The following BICD1 variants were observed in gnomAD, a reference collection of about 807,000 sequenced individuals.
BICD1 encodes the protein protein bicaudal D homolog 1.
In BICD1, 35 loss-of-function variants were observed where a neutral mutation model predicts 92.5. The ratio of observed to expected loss-of-function variants is 0.38; its 90% confidence interval spans 0.29 to 0.50. The LOEUF (loss-of-function observed/expected upper bound fraction) is 0.50, where lower values mean the gene tolerates loss of function less well. BICD1 is among the 20% of genes least tolerant of loss of function. BICD1 has a pLI of 0.93. For missense variants in BICD1, 950 were observed against 1,189.8 expected (o/e 0.80, Z 2.97); for synonymous variants, 429 against 465.1 (o/e 0.92, Z 1.00).
chr12:32,262,998 G>A (rs371894313), intron 2 of BICD1, among the ~76,000 whole-genome samples: 1 of 151,758 alleles, frequency 6.6e-6, no homozygotes, highest in African/African-American at 2.4e-5. Flanking sequence ...AAAAAAATTA[G>A]CCAGGTGTGG....
intron 2 of BICD1, among the ~76,000 whole-genome samples, chr12:32,268,228 C>T (rs998796897): frequency 1.3e-5 from 2 of 152,184 alleles, no homozygotes; most frequent in African/African-American, 4.8e-5. Context: ...ACAATGAGTA[C>T]AACCAATGTC....
At chr12:32,334,741 G>C in intron 6 of BICD1, 74 bp downstream of exon 6, 4 of 1,505,908 alleles carry the variant, frequency 2.7e-6, no homozygotes, top group Non-Finnish European at 3.6e-6. Context: ...CCCTGCCTTT[G>C]TGCATGTTGA....
chr12:32,187,409 C>A (rs1045618226), intron 1 of BICD1, among the ~76,000 whole-genome samples: 14 of 152,228 alleles, frequency 9.2e-5, no homozygotes, highest in African/African-American at 3.4e-4. Context: ...CGCGGTGGCT[C>A]ACGTCTGTAA....
intron 8 of BICD1, chr12:32,339,369 A>G (rs1938268844): frequency 1.0e-6 from 1 of 992,326 alleles, no homozygotes; most frequent in Non-Finnish European, 1.2e-6. Context: ...AGGGAGAGCC[A>G]TATGTATAAC....
chr12:32,170,063 C>G (rs931337371), intron 1 of BICD1, among the ~76,000 whole-genome samples: 7 of 152,182 alleles, frequency 4.6e-5, no homozygotes, highest in African/African-American at 1.7e-4. Flanking sequence ...GAAACCTGTC[C>G]CTGAGTTTAA....
intron 2 of BICD1, among the ~76,000 whole-genome samples, chr12:32,281,930 C>G (rs1035246975): frequency 1.3e-5 from 2 of 152,100 alleles, no homozygotes; most frequent in East Asian, 3.9e-4. Context: ...ACAACATGCT[C>G]TCATGGCTCT....
At chr12:32,154,449 A>G (rs1183584197) in intron 1 of BICD1, among the ~76,000 whole-genome samples, 2 of 151,744 alleles carry the variant, frequency 1.3e-5, no homozygotes, top group Non-Finnish European at 2.9e-5. Context: ...TTTGTCAGCA[A>G]CCTCCTCTTG....
Position 32,292,927 on chromosome 12 carries a change from T to A in BICD1, c.427-1067T>A, listed in dbSNP as rs1171222949. Among the ~76,000 whole-genome samples the A allele has an allele frequency of 3.3e-5, 5 of 152,242 alleles. No homozygotes were observed. In the East Asian group the frequency reaches 9.6e-4, roughly 29 times the overall value. ...TAAAACATAGCTTATACTTGCCATA[T>A]AAGTTTATGGAAAAAGTTAAATATT... On this transcript the variant is annotated intron_variant, in intron 2 of 9. Transcript: ENST00000652176.
intron 1 of BICD1, chr12:32,107,776 C>G (rs2121106896): frequency 1.4e-6 from 1 of 706,180 alleles, no homozygotes; most frequent in Non-Finnish European, 2.6e-6. Context: ...GCTGTTTGGC[C>G]TGCGGGGGAG....
chr12:32,261,837 A>C (rs1416882020), intron 2 of BICD1, among the ~76,000 whole-genome samples: 1 of 152,180 alleles, frequency 6.6e-6, no homozygotes, highest in African/African-American at 2.4e-5. Context: ...GAGACCCAAA[A>C]GTGGATTTTA....
intron 1 of BICD1, among the ~76,000 whole-genome samples, chr12:32,163,968 AT>A (rs1004765092): frequency 2.0e-5 from 3 of 150,926 alleles, no homozygotes; most frequent in Non-Finnish European, 1.5e-5. Flanking sequence ...AAATTTCAAA[AT>A]TTTTTTTTTA....
chr12:32,306,176 C>T, intron 4 of BICD1, 54 bp downstream of exon 4: 1 of 1,460,916 alleles, frequency 6.8e-7, no homozygotes, highest in Non-Finnish European at 9.2e-7. Context: ...TTGCAGGTAG[C>T]ATGTTGTGGG....
intron 8 of BICD1, among the ~76,000 whole-genome samples, chr12:32,365,933 T>C (rs1939510606): frequency 6.6e-6 from 1 of 152,170 alleles, no homozygotes; most frequent in Non-Finnish European, 1.5e-5. Flanking sequence ...ATTTGAAAGA[T>C]TTTTACTGAG....
At chr12:32,205,063 A>G (rs1399374864) in intron 1 of BICD1, among the ~76,000 whole-genome samples, 1 of 152,220 alleles carries the variant, frequency 6.6e-6, no homozygotes, top group Admixed American at 6.5e-5. Flanking sequence ...CATTCCATTA[A>G]TAAGTAATTG....
intron 1 of BICD1, among the ~76,000 whole-genome samples, chr12:32,144,853 C>T (rs1943055664): frequency 6.6e-6 from 1 of 152,232 alleles, no homozygotes; most frequent in Non-Finnish European, 1.5e-5. Context: ...AGTGCATTAT[C>T]TGTCACCTCA....
chr12:32,261,298 C>G (rs73082244), intron 2 of BICD1, among the ~76,000 whole-genome samples: 2,014 of 152,256 alleles, frequency 0.013, 22 homozygotes, highest in Non-Finnish European at 0.021. Flanking sequence ...TGTGTTTTAC[C>G]CTTCCTATTT....
At chr12:32,129,524 C>CA (rs756293470) in intron 1 of BICD1, among the ~76,000 whole-genome samples, 2,825 of 82,338 alleles carry the variant, frequency 0.034, 90 homozygotes, top group Non-Finnish European at 0.044. Context: ...GATTCCATCT[C>CA]AAAAAAAAAA....
chr12:32,130,540 G>A (rs949883611), intron 1 of BICD1, among the ~76,000 whole-genome samples: 1 of 152,212 alleles, frequency 6.6e-6, no homozygotes. Context: ...GTGTGTAGAG[G>A]TAGAAGTGTG....
intron 1 of BICD1, among the ~76,000 whole-genome samples, chr12:32,166,778 T>A (rs2121513249): frequency 6.6e-6 from 1 of 152,282 alleles, no homozygotes. Flanking sequence ...AGTCCCAGAT[T>A]GGAATCCTTG....
Sources: allele counts gnomAD v4.1 joint callset (sites outside exome capture counted in the v4.1 genomes callset), GRCh38; gene constraint gnomAD v4.1.1; transcripts MANE v1.5; gene names NCBI Gene and HGNC (gene_info 2026-07-23, HGNC 2026-07-21).